Variants in FGF12 observed in about 807,000 individuals in gnomAD.
FGF12 encodes the protein fibroblast growth factor 12B.
Under a neutral mutation model 23.6 loss-of-function variants are expected in FGF12, and 14 were observed. The observed-to-expected ratio is 0.59, with a 90% confidence interval of 0.39 to 0.93. The LOEUF (loss-of-function observed/expected upper bound fraction) is 0.93. Ranked by LOEUF, FGF12 falls within the 40% of genes least tolerant of loss-of-function variation. FGF12 has a pLI of 0.00. For synonymous variants in FGF12, 62 were observed against 77.3 expected, an observed-to-expected ratio of 0.80 and a Z score of 1.04; for missense variants, 175 against 217.8, an observed-to-expected ratio of 0.80 and a Z score of 1.24.
chr3:192,335,130 T>C (rs879115150), intron 4 of FGF12, among the ~76,000 whole-genome samples: 1 of 152,194 alleles, frequency 6.6e-6, no homozygotes, highest in Admixed American at 6.5e-5. Context: ...AAATGGAAGC[T>C]AGACACAAAG....
intron 4 of FGF12, among the ~76,000 whole-genome samples, chr3:192,259,555 A>G (rs1177537952): frequency 2.0e-5 from 3 of 152,178 alleles, no homozygotes; most frequent in African/African-American, 7.2e-5. Flanking sequence ...ATGTATAAAT[A>G]TTCATGGCAA....
rs1711699533 is a variant in FGF12 at position 192,554,922 on chromosome 3, A to ATT, written c.13+172257_13+172258dup. ...ATTTACTAGAGGGGTTCAACTGCAT[A>ATT]TTTGATCTAGCTGAACAAAGAATTG... On this transcript the variant is annotated intron_variant, in intron 2 of 5. Coordinates refer to ENST00000445105, the MANE Select transcript of FGF12 (RefSeq NM_004113.6). 2.0e-5 allele frequency among the ~76,000 whole-genome samples: 3 copies of ATT among 152,306 alleles called. No individual in the cohort carries two copies. In the South Asian group the frequency reaches 6.2e-4, roughly 32 times the overall value.
At chr3:192,265,344 C>T (rs991924367) in intron 4 of FGF12, 1 of 152,088 alleles carries the variant, frequency 6.6e-6, no homozygotes, top group African/African-American at 2.4e-5. Flanking sequence ...CAATTGCAGG[C>T]AGTGCTATTC....
intron 4 of FGF12, among the ~76,000 whole-genome samples, chr3:192,242,132 T>C (rs1719646107): frequency 6.6e-6 from 1 of 152,042 alleles, no homozygotes. Context: ...CTAAGGAAAG[T>C]AGAAGGAAGA....
intron 2 of FGF12, among the ~76,000 whole-genome samples, chr3:192,556,391 G>A (rs796766069): frequency 1.3e-5 from 2 of 152,090 alleles, no homozygotes; most frequent in East Asian, 1.9e-4. Context: ...AGGCAAAATA[G>A]ACTTCAAGTA....
At chr3:192,254,927 T>A (rs529669314) in intron 4 of FGF12, among the ~76,000 whole-genome samples, 7 of 152,230 alleles carry the variant, frequency 4.6e-5, no homozygotes, top group African/African-American at 1.7e-4. Context: ...TAATTTTTGC[T>A]AAGTTTCAAA....
rs576134821 is a variant in FGF12, at chr3:192,505,004, T to TC, written c.14-144467dup. On this transcript the variant is annotated intron_variant, in intron 2 of 5. Transcript: ENST00000445105. ...GAAAGAAAAGTTATTACTGATGTCC[T>TC]CCCCCAAGCCCACAGCACACACAAA... 2.2e-3 allele frequency among the ~76,000 whole-genome samples: 332 copies of TC among 152,072 alleles called. 2 individuals carry two copies. The highest frequency in any genetic ancestry group is 7.5e-3 in the African/African-American group (312 of 41,458).
rs371681263 is a variant in FGF12, at chr3:192,457,743, T to C, written c.14-97205A>G. Reference sequence around the variant, plus strand: ...TAAATACCCATTTTTGAGGAGAAATTCAAGCTGGCTGCAGAAATTTGAATA... The same window carrying C: ...TAAATACCCATTTTTGAGGAGAAATCCAAGCTGGCTGCAGAAATTTGAATA... On this transcript the variant is annotated intron_variant, in intron 2 of 5. Transcript: ENST00000445105. Among the ~76,000 whole-genome samples, 5 of 152,156 alleles carry C rather than the reference T, an allele frequency of 3.3e-5. No individual in the cohort carries two copies. The East Asian group carries it at 5.8e-4, about 18-fold the overall frequency.
intron 2 of FGF12, among the ~76,000 whole-genome samples, chr3:192,592,323 C>A (rs1005469942): frequency 2.0e-5 from 3 of 151,882 alleles, no homozygotes; most frequent in Non-Finnish European, 4.4e-5. Flanking sequence ...CACTGTAGCA[C>A]ATTTCAGACT....
At chr3:192,144,268 T>C in intron 5 of FGF12, 141 bp from the exon 6 acceptor site, 2 of 574,310 alleles carry the variant, frequency 3.5e-6, no homozygotes, top group East Asian at 3.0e-5. Flanking sequence ...TTTAACTTGA[T>C]AATCAGTGAA....
At chr3:192,536,670 G>T (rs1177597899) in intron 2 of FGF12, among the ~76,000 whole-genome samples, 2 of 151,626 alleles carry the variant, frequency 1.3e-5, no homozygotes, top group African/African-American at 4.8e-5. Context: ...TTAACTTTTA[G>T]TTTTTGTGGG....
At chr3:192,512,709 A>T (rs1040977757) in intron 2 of FGF12, among the ~76,000 whole-genome samples, 4 of 151,216 alleles carry the variant, frequency 2.6e-5, no homozygotes, top group African/African-American at 9.7e-5. Context: ...GTGGGAAGGA[A>T]ACTTCACTAC....
intron 2 of FGF12, among the ~76,000 whole-genome samples, chr3:192,394,138 T>A (rs1243912329): frequency 6.7e-6 from 1 of 149,444 alleles, no homozygotes; most frequent in Non-Finnish European, 1.5e-5. Context: ...TTTTTAAAAA[T>A]TGTTTTATTA....
At chr3:192,218,957 C>G (rs1718336395) in intron 4 of FGF12, among the ~76,000 whole-genome samples, 1 of 152,222 alleles carries the variant, frequency 6.6e-6, no homozygotes, top group Admixed American at 6.5e-5. Flanking sequence ...ATTGTGACCC[C>G]TAGCTAGATG....
chr3:192,459,198 C>T (rs533891154), intron 2 of FGF12, among the ~76,000 whole-genome samples: 44 of 152,198 alleles, frequency 2.9e-4, no homozygotes, highest in African/African-American at 1.0e-3. Flanking sequence ...AACATAATTC[C>T]TAGAATTCCA....
chr3:192,523,916 T>C (rs1724881080), intron 2 of FGF12, among the ~76,000 whole-genome samples: 1 of 152,198 alleles, frequency 6.6e-6, no homozygotes, highest in Admixed American at 6.5e-5. Flanking sequence ...ATCATGATAT[T>C]TGTAAAGAAG....
chr3:192,432,620 C>CAAAAAAAAAAAAAAAAAAAAAA (rs201364119), intron 2 of FGF12, among the ~76,000 whole-genome samples: 1 of 106,728 alleles, frequency 9.4e-6, no homozygotes, highest in Non-Finnish European at 1.9e-5. Context: ...TGACATCTGG[C>CAAAAAAAAAAAAAAAAAAAAAA]AAAAAAAAAA....
chr3:192,718,712 G>A (rs1296812346), intron 2 of FGF12, among the ~76,000 whole-genome samples: 1 of 152,108 alleles, frequency 6.6e-6, no homozygotes, highest in Admixed American at 6.5e-5. Context: ...CTTTAGCCAA[G>A]TAGCACTTTT....
intron 4 of FGF12, among the ~76,000 whole-genome samples, chr3:192,284,283 G>T (rs1714319551): frequency 1.3e-5 from 2 of 152,100 alleles, no homozygotes. Context: ...ACATGCTGAT[G>T]ATCACAGGGC....
Sources: gnomAD v4.1 joint callset for allele counts (sites outside exome capture counted in the v4.1 genomes callset) on GRCh38, gnomAD v4.1.1 for gene constraint, MANE v1.5 for transcripts, NCBI Gene and HGNC (gene_info 2026-07-23, HGNC 2026-07-21) for gene names.